TNIK: variants seen among roughly 807,000 people sequenced by gnomAD.
TNIK encodes the protein TRAF2 and NCK-interacting protein kinase.
TNIK carries 49 observed loss-of-function variants against 191.3 expected under a neutral mutation model. The observed-to-expected ratio is 0.26, with a 90% CI of 0.20 to 0.32. The LOEUF (loss-of-function observed/expected upper bound fraction) is 0.32, where lower values mean the gene tolerates loss of function less well. Ranked by LOEUF, TNIK falls within the 10% of genes least tolerant of loss-of-function variation. The probability of loss-of-function intolerance (pLI) is 1.00; values close to 1 mark genes in which losing one functional copy is unlikely to be tolerated. For missense variants in TNIK, 1,155 were observed against 1,702.3 expected (o/e 0.68, Z 5.66); for synonymous variants, 594 against 600.9 (o/e 0.99, Z 0.17).
chr3:171,073,507 CAAA>C (rs1315462222), intron 28 of TNIK, among the ~76,000 whole-genome samples: 1 of 151,762 alleles, frequency 6.6e-6, no homozygotes, highest in African/African-American at 2.4e-5. Context: ...GCAACAAAAA[CAAA>C]AAAAGACAAA....
intron 2 of TNIK, among the ~76,000 whole-genome samples, chr3:171,296,591 T>C (rs1424433840): frequency 6.6e-6 from 1 of 152,214 alleles, no homozygotes; most frequent in Non-Finnish European, 1.5e-5. Flanking sequence ...ATTATGAGAT[T>C]TGGAGCAAGT....
chr3:171,413,646 T>C (rs1722681577), intron 1 of TNIK, among the ~76,000 whole-genome samples: 1 of 152,246 alleles, frequency 6.6e-6, no homozygotes, highest in Non-Finnish European at 1.5e-5. Context: ...ACTGAATTCC[T>C]ACCTGTGCAG....
intron 1 of TNIK, among the ~76,000 whole-genome samples, chr3:171,417,378 T>A (rs1210472335): frequency 6.6e-6 from 1 of 152,202 alleles, no homozygotes; most frequent in East Asian, 1.9e-4. Context: ...ACCAAGTAAC[T>A]TGGGAAGTCA....
At chr3:171,153,023 G>A (rs1732674504) in intron 12 of TNIK, among the ~76,000 whole-genome samples, 2 of 151,916 alleles carry the variant, frequency 1.3e-5, no homozygotes, top group Admixed American at 6.6e-5. Flanking sequence ...CACCTGCCTC[G>A]GCCTCCCAAA....
intron 15 of TNIK, among the ~76,000 whole-genome samples, chr3:171,137,108 CTTTTTTTTTT>C (rs71176593): frequency 2.1e-4 from 22 of 104,150 alleles, no homozygotes; most frequent in Admixed American, 3.4e-4. Flanking sequence ...TTTAAAAATC[CTTTTTTTTTT>C]TTTTTTTTTT....
intron 1 of TNIK, among the ~76,000 whole-genome samples, chr3:171,426,502 T>C (rs1280307208): frequency 6.6e-6 from 1 of 151,928 alleles, no homozygotes. Context: ...CATGTATACA[T>C]ATGTAACAAA....
chr3:171,213,601 C>T (rs1741120963), intron 3 of TNIK, among the ~76,000 whole-genome samples: 1 of 152,080 alleles, frequency 6.6e-6, no homozygotes, highest in African/African-American at 2.4e-5. Context: ...TAAATAACAA[C>T]AGAAGGCACT....
At chr3:171,439,222 T>C (rs1373119398) in intron 1 of TNIK, among the ~76,000 whole-genome samples, 2 of 151,778 alleles carry the variant, frequency 1.3e-5, no homozygotes, top group Non-Finnish European at 2.9e-5. Flanking sequence ...TGGATGCCTA[T>C]AGTCCCAGCT....
At chr3:171,258,375 T>C (rs1266829447) in intron 2 of TNIK, among the ~76,000 whole-genome samples, 1 of 152,170 alleles carries the variant, frequency 6.6e-6, no homozygotes, top group African/African-American at 2.4e-5. Flanking sequence ...CCTACTGACC[T>C]GAATCAACTT....
chr3:171,265,103 C>T (rs1295396934), intron 2 of TNIK, among the ~76,000 whole-genome samples: 1 of 152,198 alleles, frequency 6.6e-6, no homozygotes, highest in African/African-American at 2.4e-5. Flanking sequence ...CCTGCTATTT[C>T]TCATGCAATT....
At chr3:171,191,614 T>A (rs1738078310) in intron 5 of TNIK, among the ~76,000 whole-genome samples, 1 of 152,264 alleles carries the variant, frequency 6.6e-6, no homozygotes, top group Non-Finnish European at 1.5e-5. Flanking sequence ...CTTTACCCAT[T>A]GTGCCTTACA....
chr3:171,195,056 G>A (rs1738525832), intron 4 of TNIK, among the ~76,000 whole-genome samples: 1 of 152,274 alleles, frequency 6.6e-6, no homozygotes, highest in Non-Finnish European at 1.5e-5. Flanking sequence ...CACTGTTTAT[G>A]TTACTGGTTT....
At chr3:171,372,254 A>G (rs1192020280) in intron 1 of TNIK, among the ~76,000 whole-genome samples, 1 of 152,210 alleles carries the variant, frequency 6.6e-6, no homozygotes, top group African/African-American at 2.4e-5. Flanking sequence ...AACTGCTAGG[A>G]GAAGGTTTTT....
At chr3:171,233,384 T>C (rs892840948) in intron 2 of TNIK, among the ~76,000 whole-genome samples, 1 of 152,012 alleles carries the variant, frequency 6.6e-6, no homozygotes, top group African/African-American at 2.4e-5. Context: ...ATGTAGAATA[T>C]GTAGTAATGG....
In TNIK at chr3:171,118,242, G is replaced by T. The variant is rs564138947; in HGVS notation, c.2120+5354C>A. On this transcript the variant is annotated intron_variant, in intron 18 of 32. Coordinates refer to ENST00000436636, the MANE Select transcript of TNIK (RefSeq NM_015028.4). ...AATCCAACTTACAAGGGACGTGAAG[G>T]ACCTCTTCAAGGAGAACTACAAACC... Among the ~76,000 whole-genome samples the T allele has an allele frequency of 2.0e-5, 3 of 152,260 alleles. No homozygotes were observed. In the East Asian group the frequency reaches 5.8e-4, roughly 29 times the overall value.
intron 2 of TNIK, among the ~76,000 whole-genome samples, chr3:171,282,120 G>A (rs1218389142): frequency 6.6e-6 from 1 of 152,146 alleles, no homozygotes; most frequent in East Asian, 1.9e-4. Context: ...CACAATCAGT[G>A]TCTTCAATTC....
At chr3:171,206,699 C>A (rs1025565291) in intron 4 of TNIK, among the ~76,000 whole-genome samples, 1 of 152,052 alleles carries the variant, frequency 6.6e-6, no homozygotes, top group African/African-American at 2.4e-5. Flanking sequence ...AGTTTTGAGG[C>A]CCGGGGAAAG....
chr3:171,364,648 G>A (rs369055173), intron 2 of TNIK, among the ~76,000 whole-genome samples: 2 of 152,104 alleles, frequency 1.3e-5, no homozygotes, highest in Admixed American at 1.3e-4. Context: ...ACATAAACAA[G>A]GAAGTAAGAT....
intron 1 of TNIK, among the ~76,000 whole-genome samples, chr3:171,442,890 T>G (rs1727001224): frequency 6.6e-6 from 1 of 152,142 alleles, no homozygotes; most frequent in African/African-American, 2.4e-5. Context: ...ACATCTGTTC[T>G]TCTCCCAAAA....
Sources: allele counts gnomAD v4.1 joint callset (sites outside exome capture counted in the v4.1 genomes callset), GRCh38; gene constraint gnomAD v4.1.1; transcripts MANE v1.5; gene names NCBI Gene and HGNC (gene_info 2026-07-23, HGNC 2026-07-21).